Variants in SMYD3 observed in about 807,000 individuals in gnomAD.
The protein encoded by SMYD3 is SET and MYND domain containing 3.
SMYD3 carries 36 observed loss-of-function variants against 57.7 expected under a neutral mutation model. That is an observed-to-expected ratio of 0.62 (90% CI 0.48 to 0.82). The LOEUF (loss-of-function observed/expected upper bound fraction) is 0.82, where lower values mean the gene tolerates loss of function less well. Ranked by LOEUF, SMYD3 falls within the 40% of genes least tolerant of loss-of-function variation. The probability of loss-of-function intolerance (pLI) is 0.00; values close to 1 mark genes in which losing one functional copy is unlikely to be tolerated. For synonymous variants in SMYD3, 211 were observed against 195.0 expected, an observed-to-expected ratio of 1.08 and a Z score of -0.68; for missense variants, 515 against 538.8, an observed-to-expected ratio of 0.96 and a Z score of 0.44.
intron 5 of SMYD3, among the ~76,000 whole-genome samples, chr1:246,189,832 C>T (rs1558301744): frequency 6.6e-6 from 1 of 152,150 alleles, no homozygotes; most frequent in Non-Finnish European, 1.5e-5. Context: ...ATAAAAACTC[C>T]CAGGCACAGC....
intron 5 of SMYD3, among the ~76,000 whole-genome samples, chr1:246,128,238 C>T (rs1210707035): frequency 6.6e-6 from 1 of 152,200 alleles, no homozygotes; most frequent in Non-Finnish European, 1.5e-5. Flanking sequence ...TCCTCCCCAT[C>T]TCTATTACGA....
At chr1:246,477,773 G>A (rs377133342) in intron 1 of SMYD3, among the ~76,000 whole-genome samples, 77 of 152,296 alleles carry the variant, frequency 5.1e-4, no homozygotes, top group African/African-American at 1.8e-3. Context: ...CTTCTCCTGT[G>A]AGCCATATAC....
chr1:245,986,194 C>T (rs1033193857), intron 5 of SMYD3, among the ~76,000 whole-genome samples: 4 of 92,976 alleles, frequency 4.3e-5, no homozygotes, highest in Admixed American at 1.2e-4. Flanking sequence ...TTGTTTACTT[C>T]ATTTCTTCAA....
chr1:245,926,621 C>G (rs2056390696), intron 7 of SMYD3, among the ~76,000 whole-genome samples: 1 of 152,182 alleles, frequency 6.6e-6, no homozygotes, highest in Non-Finnish European at 1.5e-5. Context: ...AAATGAAAAG[C>G]AACCACGGGA....
At chr1:246,318,182 A>G (rs961920056) in intron 5 of SMYD3, among the ~76,000 whole-genome samples, 3 of 152,214 alleles carry the variant, frequency 2.0e-5, no homozygotes, top group Non-Finnish European at 4.4e-5. Flanking sequence ...CAGGACTTCA[A>G]GACCAGCCTG....
chr1:246,428,233 C>A (rs1279066943), intron 1 of SMYD3, among the ~76,000 whole-genome samples: 5 of 152,140 alleles, frequency 3.3e-5, no homozygotes, highest in Non-Finnish European at 5.9e-5. Flanking sequence ...TTCCTTTAAC[C>A]TACTGTGTAA....
At chr1:246,354,767 G>A (rs1407718886) in intron 2 of SMYD3, among the ~76,000 whole-genome samples, 2 of 151,852 alleles carry the variant, frequency 1.3e-5, no homozygotes, top group Admixed American at 1.3e-4. Context: ...TGAAGTCGGG[G>A]GGCAATAAGA....
intron 5 of SMYD3, among the ~76,000 whole-genome samples, chr1:246,232,915 C>T (rs1254017865): frequency 7.8e-6 from 1 of 128,556 alleles, no homozygotes; most frequent in Non-Finnish European, 1.6e-5. Context: ...CTCCTCAATT[C>T]ACACTGTGAT....
At chr1:245,890,446 G>C (rs1471414181) in intron 8 of SMYD3, among the ~76,000 whole-genome samples, 2 of 152,144 alleles carry the variant, frequency 1.3e-5, no homozygotes, top group Non-Finnish European at 2.9e-5. Context: ...TTTCTCAAAA[G>C]ACGACATACA....
At chr1:246,234,262 A>C (rs1048481010) in intron 5 of SMYD3, among the ~76,000 whole-genome samples, 5 of 151,510 alleles carry the variant, frequency 3.3e-5, no homozygotes, top group African/African-American at 1.2e-4. Context: ...ACAGAGGAGA[A>C]GCACTCCTCA....
chr1:246,282,413 C>A (rs997470524), intron 5 of SMYD3, among the ~76,000 whole-genome samples: 2 of 148,488 alleles, frequency 1.3e-5, no homozygotes, highest in African/African-American at 5.0e-5. Context: ...ATGGAAGGAT[C>A]GCTTGATCCC....
chr1:246,451,740 T>G (rs1325729027), intron 1 of SMYD3, among the ~76,000 whole-genome samples: 1 of 152,188 alleles, frequency 6.6e-6, no homozygotes, highest in East Asian at 1.9e-4. Context: ...AGGAAGAGGG[T>G]CTATGCGAAC....
chr1:246,326,879 G>A (rs1208895380), intron 5 of SMYD3: 2 of 354,182 alleles, frequency 5.6e-6, no homozygotes, highest in African/African-American at 4.3e-5. Flanking sequence ...CGGCAAACAA[G>A]TCCATTCACA....
chr1:245,876,968 G>A (rs1404902028), intron 8 of SMYD3, among the ~76,000 whole-genome samples: 1 of 152,116 alleles, frequency 6.6e-6, no homozygotes, highest in Non-Finnish European at 1.5e-5. Context: ...GCCTGGCCGG[G>A]ATTTAGGGAA....
intron 5 of SMYD3, among the ~76,000 whole-genome samples, chr1:246,183,785 T>C (rs2062590742): frequency 6.6e-6 from 1 of 152,218 alleles, no homozygotes; most frequent in African/African-American, 2.4e-5. Context: ...CTTCTACTAT[T>C]TGGCTGGCTG....
chr1:246,112,956 C>T (rs79133208), intron 5 of SMYD3, among the ~76,000 whole-genome samples: 1 of 151,902 alleles, frequency 6.6e-6, no homozygotes, highest in East Asian at 1.9e-4. Flanking sequence ...CTGTGGCAGG[C>T]GGATCATGAG....
At chr1:246,472,207 C>T (rs969350516) in intron 1 of SMYD3, among the ~76,000 whole-genome samples, 2 of 152,014 alleles carry the variant, frequency 1.3e-5, no homozygotes, top group African/African-American at 2.4e-5. Context: ...CCATACAGAA[C>T]GTGCCATAGG....
intron 5 of SMYD3, among the ~76,000 whole-genome samples, chr1:246,090,691 T>C (rs1225344643): frequency 1.3e-5 from 2 of 151,996 alleles, no homozygotes; most frequent in African/African-American, 4.8e-5. Flanking sequence ...CTAATTTTTG[T>C]ATTTTTAGTA....
Position 246,384,749 on chromosome 1 carries a change from C to A in SMYD3, c.165-29655G>T, listed in dbSNP as rs58141689. 7.2e-4 allele frequency among the ~76,000 whole-genome samples: 109 copies of A among 152,200 alleles called. 1 individual carries two copies. Among genetic ancestry groups the A allele is most frequent in the African/African-American group, 2.4e-3 (101 of 41,544 alleles). On this transcript the variant is annotated intron_variant, in intron 1 of 11. Transcript: ENST00000490107. ...TATATCAATAAAAGTATCACAATTA[C>A]TGTCCTTAAAAAGCCTAGGTTTGGA...
Sources: gnomAD v4.1 joint callset for allele counts (sites outside exome capture counted in the v4.1 genomes callset) on GRCh38, gnomAD v4.1.1 for gene constraint, MANE v1.5 for transcripts, NCBI Gene and HGNC (gene_info 2026-07-23, HGNC 2026-07-21) for gene names.